MYO16: variants seen among roughly 807,000 people sequenced by gnomAD.
MYO16 encodes the protein unconventional myosin-XVI.
MYO16 carries 94 observed loss-of-function variants against 205.3 expected under a neutral mutation model. The observed-to-expected ratio is 0.46, with a 90% CI of 0.39 to 0.54. The LOEUF (loss-of-function observed/expected upper bound fraction) is 0.54. Ranked by LOEUF, MYO16 falls within the 20% of genes least tolerant of loss-of-function variation. MYO16 has a pLI of 0.00. For synonymous variants in MYO16, 988 were observed against 954.0 expected (o/e 1.04, Z -0.66); for missense variants, 2,315 against 2,387.5 (o/e 0.97, Z 0.63).
chr13:108,948,949 A>G (rs1345180027), intron 16 of MYO16, among the ~76,000 whole-genome samples: 1 of 152,244 alleles, frequency 6.6e-6, no homozygotes, highest in African/African-American at 2.4e-5. Flanking sequence ...ACTTTGGAAG[A>G]CATAGCATCA....
intron 32 of MYO16, among the ~76,000 whole-genome samples, chr13:109,147,046 T>G (rs183868309): frequency 6.6e-6 from 1 of 152,048 alleles, no homozygotes; most frequent in Non-Finnish European, 1.5e-5. Flanking sequence ...GACAAAAGCC[T>G]GATTCTCGAA....
chr13:109,180,245 A>T (rs1488164654), intron 34 of MYO16, among the ~76,000 whole-genome samples: 1 of 152,200 alleles, frequency 6.6e-6, no homozygotes, highest in African/African-American at 2.4e-5. Flanking sequence ...TATCACTTCA[A>T]GAAGAAGAAA....
intron 6 of MYO16, among the ~76,000 whole-genome samples, chr13:108,796,119 T>C (rs548112631): frequency 7.2e-5 from 11 of 152,266 alleles, no homozygotes; most frequent in Admixed American, 5.2e-4. Context: ...CAAGCTTTTA[T>C]GGGCCTATAT....
At chr13:108,922,101 T>C (rs1881771816) in intron 16 of MYO16, among the ~76,000 whole-genome samples, 1 of 152,254 alleles carries the variant, frequency 6.6e-6, no homozygotes, top group Non-Finnish European at 1.5e-5. Flanking sequence ...TGTCCAGAGC[T>C]GTGTCCACCC....
intron 2 of MYO16, among the ~76,000 whole-genome samples, chr13:108,697,598 TA>T (rs1405030104): frequency 6.6e-6 from 1 of 152,178 alleles, no homozygotes; most frequent in African/African-American, 2.4e-5. Context: ...GCTGATGAAA[TA>T]AAAAGAAAAA....
chr13:108,562,567 G>A, the MYO16 span, among the ~76,000 whole-genome samples: 1 of 152,018 alleles, frequency 6.6e-6, no homozygotes, highest in African/African-American at 2.4e-5. Flanking sequence ...ACTGCTTAGG[G>A]TATTTCCATT....
At chr13:108,809,258 A>G (rs1887211660) in intron 7 of MYO16, among the ~76,000 whole-genome samples, 1 of 152,184 alleles carries the variant, frequency 6.6e-6, no homozygotes, top group African/African-American at 2.4e-5. Flanking sequence ...AAAACATTTG[A>G]CCTGAAAATT....
At chr13:108,668,863 G>A (rs931586750) in intron 2 of MYO16, among the ~76,000 whole-genome samples, 1 of 152,118 alleles carries the variant, frequency 6.6e-6, no homozygotes, top group African/African-American at 2.4e-5. Context: ...TAACTCCAGA[G>A]GGTGAAATCG....
At chr13:108,688,684 CT>C (rs1487723508) in intron 2 of MYO16, among the ~76,000 whole-genome samples, 1 of 152,122 alleles carries the variant, frequency 6.6e-6, no homozygotes, top group Non-Finnish European at 1.5e-5. Context: ...TGAATTCTTC[CT>C]TCTTTTCTCC....
At chr13:109,161,595 T>C (rs1878389497) in intron 32 of MYO16, among the ~76,000 whole-genome samples, 1 of 152,200 alleles carries the variant, frequency 6.6e-6, no homozygotes, top group Non-Finnish European at 1.5e-5. Flanking sequence ...GTAAGAGCAA[T>C]GTGAGGAAGT....
intron 16 of MYO16, among the ~76,000 whole-genome samples, chr13:108,940,086 G>T (rs1882661314): frequency 6.6e-6 from 1 of 152,074 alleles, no homozygotes; most frequent in South Asian, 2.1e-4. Flanking sequence ...TATTGTACCT[G>T]TAAACTCTTC....
chr13:108,590,325 C>T, the MYO16 span, among the ~76,000 whole-genome samples: 3 of 152,084 alleles, frequency 2.0e-5, no homozygotes, highest in Non-Finnish European at 4.4e-5. Context: ...AGTAGTAATG[C>T]CTGAGTTTAA....
At chr13:108,803,311 A>G (rs1244574168) in intron 6 of MYO16, among the ~76,000 whole-genome samples, 1 of 152,224 alleles carries the variant, frequency 6.6e-6, no homozygotes. Context: ...TTTAATTTCT[A>G]TAAATATTGG....
At chr13:108,820,245 G>C (rs921243042) in intron 7 of MYO16, 92 bp from the exon 8 acceptor site, 1 of 876,916 alleles carries the variant, frequency 1.1e-6, no homozygotes, top group Admixed American at 2.1e-5. Flanking sequence ...GTCTCATGCC[G>C]GCTGTTAGTT....
intron 20 of MYO16, among the ~76,000 whole-genome samples, chr13:108,970,657 C>T (rs74625676): frequency 6.6e-6 from 1 of 152,318 alleles, no homozygotes; most frequent in East Asian, 1.9e-4. Context: ...TGGCCACGAA[C>T]ATGGCTGTCA....
At chr13:108,994,659 T>A (rs555823091) in intron 21 of MYO16, among the ~76,000 whole-genome samples, 102 of 152,318 alleles carry the variant, frequency 6.7e-4, no homozygotes, top group African/African-American at 2.4e-3. Flanking sequence ...GCTTTTATAA[T>A]ATGTTTTTTA....
At chr13:108,976,264 A>ATC (rs148261323) in intron 20 of MYO16, among the ~76,000 whole-genome samples, 5 of 151,216 alleles carry the variant, frequency 3.3e-5, no homozygotes, top group South Asian at 4.2e-4. Context: ...GTGAAGTTTT[A>ATC]TCTCTCTCTC....
At chr13:109,190,046 TAA>T (rs1879848088) in intron 34 of MYO16, among the ~76,000 whole-genome samples, 1 of 152,220 alleles carries the variant, frequency 6.6e-6, no homozygotes, top group African/African-American at 2.4e-5. Flanking sequence ...TTATCCCACG[TAA>T]AGTTTTAATG....
chr13:108,994,156 G>T (rs1215038570), intron 21 of MYO16, among the ~76,000 whole-genome samples: 1 of 151,834 alleles, frequency 6.6e-6, no homozygotes, highest in East Asian at 1.9e-4. Flanking sequence ...GATTTATTTT[G>T]GAATACATTT....
Sources: allele counts gnomAD v4.1 joint callset (sites outside exome capture counted in the v4.1 genomes callset), GRCh38; gene constraint gnomAD v4.1.1; transcripts MANE v1.5; gene names NCBI Gene and HGNC (gene_info 2026-07-23, HGNC 2026-07-21).